MCTP2: variants seen among roughly 807,000 people sequenced by gnomAD.
The protein encoded by MCTP2 is multiple C2 and transmembrane domain containing 2, also known as multiple C2 and transmembrane domain-containing protein 2.
MCTP2 carries 132 observed loss-of-function variants against 111.6 expected under a neutral mutation model. That is an observed-to-expected ratio of 1.18 (90% CI 1.03 to 1.37). The LOEUF (loss-of-function observed/expected upper bound fraction) is 1.37, where lower values mean the gene tolerates loss of function less well. MCTP2 is among the 40% of genes most tolerant of loss of function. The pLI, the probability that MCTP2 is intolerant of heterozygous loss-of-function variation, is 0.00. For missense variants in MCTP2, 1,183 were observed against 1,067.9 expected (o/e 1.11, Z -1.50); for synonymous variants, 395 against 387.7 (o/e 1.02, Z -0.22).
chr15:94,272,634 C>G (rs1024908800), intron 1 of MCTP2, among the ~76,000 whole-genome samples: 2 of 152,118 alleles, frequency 1.3e-5, no homozygotes, highest in African/African-American at 2.4e-5. Context: ...TACTGGATCT[C>G]CAAACAGCAC....
chr15:94,406,299 T>C (rs2081892392), intron 17 of MCTP2, among the ~76,000 whole-genome samples: 1 of 150,026 alleles, frequency 6.7e-6, no homozygotes, highest in Non-Finnish European at 1.5e-5. Flanking sequence ...ACAGAGCTCA[T>C]GTGTGTGTAT....
At position 94,401,881 on chromosome 15, in the gene MCTP2, T is replaced by G. The variant is rs781322152; in HGVS notation, c.1966-19T>G. ...TAGTATTTAAATCTAGTTTCCTGTT[T>G]GTCATTTTTTAAAATCAGATCTTAT... On this transcript the variant is annotated intron_variant, in intron 16 of 22. Transcript: ENST00000357742. 1.1e-5 allele frequency: 18 copies of G among 1,591,440 alleles called. No individual in the cohort carries two copies. The highest frequency in any genetic ancestry group is 3.3e-4 in the Middle Eastern group (2 of 5,986).
rs1025628506 is a variant in MCTP2, at chr15:94,401,953, T to G, written c.2019T>G (p.Asn673Lys). The change falls in exon 17 of 23, where the codon AAT becomes AAG. Residue 673 changes from asparagine to lysine, a missense_variant. By Grantham distance (94) the Asn-to-Lys change is moderately conservative. Transcript: ENST00000357742. ...AAAGAATCACTATGGCAATATGGAA[T>G]ACAATGCAGTTCCTTAAAAGCTGCT... is the stretch of plus-strand genomic sequence containing the variant. ...RVKRITMAIW[N>K]TMQFLKSCFQ... is the part of the protein sequence containing the mutation. 2 of 1,612,488 alleles carry G rather than the reference T, an allele frequency of 1.2e-6. No individual in the cohort carries two copies. Among genetic ancestry groups the G allele is most frequent in the East Asian group, 4.5e-5 (2 of 44,838 alleles).
chr15:94,236,066 C>T (rs1039951169), intron 1 of MCTP2, among the ~76,000 whole-genome samples: 1 of 152,204 alleles, frequency 6.6e-6, no homozygotes, highest in Non-Finnish European at 1.5e-5. Flanking sequence ...GATTACATCA[C>T]ATGCAAATAC....
rs1438312099 is a variant in MCTP2, at chr15:94,340,188, C to A, written c.781-11C>A. The A allele has an allele frequency of 6.3e-7, 1 of 1,597,270 alleles. No individual in the cohort carries two copies. Among genetic ancestry groups the A allele is most frequent in the East Asian group, 2.2e-5 (1 of 44,702 alleles). ...TAATAATGTGTTAATTGACCTCTGT[C>A]CTCTTTGTAGGTATATGATCGAGAT... On this transcript the variant is annotated splice_polypyrimidine_tract_variant and intron_variant, in intron 5 of 22. Transcript: ENST00000357742.
chr15:94,402,587 G>C, intron 17 of MCTP2: 1 of 1,551,390 alleles, frequency 6.4e-7, no homozygotes, highest in Non-Finnish European at 8.7e-7. Context: ...TCAAAGCGCT[G>C]CAAGAGATCT....
chr15:94,245,409 TTTA>T (rs2071824791), intron 1 of MCTP2, among the ~76,000 whole-genome samples: 1 of 137,994 alleles, frequency 7.2e-6, no homozygotes, highest in Non-Finnish European at 1.5e-5. Context: ...TGTGTATATA[TTTA>T]TATACATGTG....
chr15:94,455,815 G>C (rs543424673), intron 19 of MCTP2, among the ~76,000 whole-genome samples: 34 of 152,186 alleles, frequency 2.2e-4, no homozygotes, highest in African/African-American at 7.9e-4. Context: ...TAACAATTTC[G>C]TGCAATATTA....
chr15:94,307,238 G>A (rs991054360), intron 2 of MCTP2, among the ~76,000 whole-genome samples: 1 of 152,306 alleles, frequency 6.6e-6, no homozygotes, highest in Non-Finnish European at 1.5e-5. Flanking sequence ...AGAACATAAA[G>A]TGTCATGGAG....
chr15:94,307,561 A>C (rs924083390), intron 2 of MCTP2, among the ~76,000 whole-genome samples: 3 of 152,194 alleles, frequency 2.0e-5, no homozygotes, highest in East Asian at 3.9e-4. Flanking sequence ...GGGCGTTCCT[A>C]TCTTGTCAGG....
chr15:94,303,915 CTG>C (rs1211073500), intron 2 of MCTP2, among the ~76,000 whole-genome samples: 3 of 152,024 alleles, frequency 2.0e-5, no homozygotes, highest in African/African-American at 7.2e-5. Flanking sequence ...CTGGAGAAAT[CTG>C]TAGAGAGAAG....
intron 6 of MCTP2, 49 bp downstream of exon 6, chr15:94,340,324 C>A (rs1417452612): frequency 7.5e-7 from 1 of 1,335,268 alleles, no homozygotes; most frequent in Non-Finnish European, 1.1e-6. Context: ...TTAGAGGGAA[C>A]TTACGATAAT....
At chr15:94,254,884 G>T (rs922744705) in intron 1 of MCTP2, among the ~76,000 whole-genome samples, 3 of 152,160 alleles carry the variant, frequency 2.0e-5, no homozygotes, top group Non-Finnish European at 4.4e-5. Flanking sequence ...AATTTGCTTA[G>T]AATTTAAACA....
chr15:94,236,380 T>TTTC (rs1340056896), intron 1 of MCTP2, among the ~76,000 whole-genome samples: 2 of 89,724 alleles, frequency 2.2e-5, no homozygotes, highest in African/African-American at 8.8e-5. Flanking sequence ...TTTTTTTCTT[T>TTTC]TTTTTTTTTT....
At chr15:94,377,579 G>C (rs936210376) in intron 12 of MCTP2, among the ~76,000 whole-genome samples, 1 of 152,164 alleles carries the variant, frequency 6.6e-6, no homozygotes. Flanking sequence ...ATATTAATGG[G>C]TGGGTTCTTA....
rs141286072 is a variant in MCTP2 at position 94,300,464 on chromosome 15, C to T, written c.465+1734C>T. ...GGTAGAACCTGCAGTGAGCTAAGAT[C>T]GCGCCACTGCACTCCAGCCTGGGTG... On this transcript the variant is annotated intron_variant, in intron 2 of 22. Transcript: ENST00000357742. Among the ~76,000 whole-genome samples, 369 of 148,834 alleles carry T rather than the reference C, an allele frequency of 2.5e-3. 12 individuals carry two copies. The East Asian group carries it at 0.055, about 22-fold the overall frequency.
At chr15:94,309,063 C>T (rs1341987620) in intron 2 of MCTP2, among the ~76,000 whole-genome samples, 1 of 152,122 alleles carries the variant, frequency 6.6e-6, no homozygotes, top group Non-Finnish European at 1.5e-5. Flanking sequence ...GATCCATAAC[C>T]TCCTGAAAAG....
intron 1 of MCTP2, among the ~76,000 whole-genome samples, chr15:94,237,956 G>T (rs28706947): frequency 2.6e-5 from 4 of 152,014 alleles, no homozygotes; most frequent in South Asian, 2.1e-4. Context: ...CTATAGCCTG[G>T]AAGCCACCCC....
chr15:94,390,132 A>ATG (rs1358369611), intron 14 of MCTP2, among the ~76,000 whole-genome samples: 9,775 of 90,046 alleles, frequency 0.11, 1,041 homozygotes, highest in African/African-American at 0.13. Flanking sequence ...ATATATATAT[A>ATG]CTTAGATGTT....
Sources: gnomAD v4.1 joint callset for allele counts (sites outside exome capture counted in the v4.1 genomes callset) on GRCh38, gnomAD v4.1.1 for gene constraint, MANE v1.5 for transcripts, NCBI Gene and HGNC (gene_info 2026-07-23, HGNC 2026-07-21) for gene names.